CACNA1E: variants seen among roughly 807,000 people sequenced by gnomAD.
CACNA1E encodes calcium voltage-gated channel subunit alpha1 E.
A neutral mutation model predicts 259.2 loss-of-function variants in CACNA1E; 40 were observed. The observed-to-expected ratio is 0.15, with a 90% CI of 0.12 to 0.20. The LOEUF is 0.20. Among genes scored for constraint, CACNA1E ranks in the 10% least tolerant of loss-of-function variants. The probability of loss-of-function intolerance (pLI) is 1.00; values close to 1 mark genes in which losing one functional copy is unlikely to be tolerated. For missense variants in CACNA1E, 1,874 were observed against 3,040.1 expected, an observed-to-expected ratio of 0.62 and a Z score of 9.02; for synonymous variants, 1,104 against 1,138.5, an observed-to-expected ratio of 0.97 and a Z score of 0.61.
At chr1:181,794,780 T>C (rs1661641893) in intron 45 of CACNA1E, 84 bp from the exon 46 acceptor site, 6 of 1,295,868 alleles carry the variant, frequency 4.6e-6, no homozygotes, top group South Asian at 4.4e-5. Flanking sequence ...TTCCTTAACG[T>C]CTCAGTCTTG....
intron 3 of CACNA1E, among the ~76,000 whole-genome samples, chr1:181,539,212 C>A (rs1668399469): frequency 6.6e-6 from 1 of 152,200 alleles, no homozygotes; most frequent in Non-Finnish European, 1.5e-5. Flanking sequence ...ACTAGGCTCA[C>A]CCTAAACTTC....
chr1:181,752,233 G>A lies in CACNA1E; in HGVS notation c.3822G>A (p.Lys1274=), dbSNP rs1443244807. 2.5e-6 allele frequency: 4 copies of A among 1,610,552 alleles called. No homozygotes were observed. Among genetic ancestry groups the A allele is most frequent in the Admixed American group, 1.7e-5 (1 of 60,010 alleles). Residue 1274 remains lysine (K), a synonymous_variant, in exon 27 of 48, where the codon AAG becomes AAA. Coordinates refer to ENST00000367573, the MANE Select transcript of CACNA1E (RefSeq NM_001205293.3). ...TGAAAACCATCAAGCGCTTGCCCAA[G>A]CTCAAGGTAGTGTTTACAGAGTTTG... ...RPLKTIKRLP[K]LKAVFDCVVT...
At chr1:181,512,173 A>G (rs10910947) in intron 3 of CACNA1E, among the ~76,000 whole-genome samples, 2,189 of 152,344 alleles carry the variant, frequency 0.014, 72 homozygotes, top group East Asian at 0.14. Context: ...TCTTTTGGAA[A>G]TGAATATAGT....
At chr1:181,561,832 G>T (rs1649358957) in intron 3 of CACNA1E, among the ~76,000 whole-genome samples, 1 of 152,112 alleles carries the variant, frequency 6.6e-6, no homozygotes, top group Non-Finnish European at 1.5e-5. Flanking sequence ...GTATTATTTT[G>T]CATTCCCGTC....
intron 22 of CACNA1E, 128 bp downstream of exon 22, chr1:181,736,562 G>T (rs1656053265): frequency 2.3e-6 from 2 of 857,924 alleles, no homozygotes; most frequent in Non-Finnish European, 3.6e-6. Context: ...GGTGGAGCAT[G>T]GCCAGACATT....
intron 3 of CACNA1E, among the ~76,000 whole-genome samples, chr1:181,554,599 C>T (rs1238629597): frequency 6.6e-6 from 1 of 152,202 alleles, no homozygotes; most frequent in Non-Finnish European, 1.5e-5. Context: ...TACTAATGGT[C>T]CTCACATTTG....
intron 2 of CACNA1E, among the ~76,000 whole-genome samples, chr1:181,442,966 G>A (rs1231563456): frequency 1.3e-5 from 2 of 152,134 alleles, no homozygotes; most frequent in African/African-American, 4.8e-5. Flanking sequence ...CTGGCTTATT[G>A]TGCAGGAGGG....
intron 6 of CACNA1E, among the ~76,000 whole-genome samples, chr1:181,640,584 G>C (rs748238749): frequency 6.6e-6 from 1 of 152,102 alleles, no homozygotes; most frequent in Non-Finnish European, 1.5e-5. Context: ...AAATTAATTC[G>C]CCTTCTGCTC....
chr1:181,680,264 T>C (rs551184051), intron 7 of CACNA1E, among the ~76,000 whole-genome samples: 50 of 152,288 alleles, frequency 3.3e-4, no homozygotes, highest in African/African-American at 9.9e-4. Flanking sequence ...AGGTATTCCC[T>C]GGGCAGAGAA....
rs1488200234 is a variant in CACNA1E at position 181,753,785 on chromosome 1, T to C, written c.3829-1452T>C. ...TAGCACTGCTTCCCTTTCAGCCATT[T>C]AGCTCTGCAGAGAGGAGGCAAAACT... On this transcript the variant is annotated intron_variant, in intron 27 of 47. Coordinates refer to ENST00000367573, the MANE Select transcript of CACNA1E (RefSeq NM_001205293.3). 2.6e-5 allele frequency among the ~76,000 whole-genome samples: 4 copies of C among 152,358 alleles called. No individual in the cohort carries two copies. The South Asian group carries it at 6.2e-4, about 24-fold the overall frequency.
chr1:181,338,456 C>T (rs1470479869), intron 1 of CACNA1E, among the ~76,000 whole-genome samples: 3 of 150,160 alleles, frequency 2.0e-5, no homozygotes, highest in Non-Finnish European at 4.4e-5. Context: ...ACCTCTTGGC[C>T]ATCTATGTGT....
chr1:181,589,669 T>C (rs1045478992), intron 6 of CACNA1E, among the ~76,000 whole-genome samples: 5 of 152,052 alleles, frequency 3.3e-5, no homozygotes, highest in African/African-American at 1.2e-4. Flanking sequence ...CAGTGTGCTA[T>C]GATTGACCTA....
intron 26 of CACNA1E, among the ~76,000 whole-genome samples, chr1:181,751,146 CT>C (rs1657561377): frequency 6.6e-6 from 1 of 152,168 alleles, no homozygotes; most frequent in Non-Finnish European, 1.5e-5. Context: ...TATTTAGAGT[CT>C]TGTTTTCCAC....
rs779738809 is a variant in CACNA1E, at chr1:181,807,507, G to A, written c.*8673G>A. ...CCACAGGGAAAGCAGCAAGCCCCAG[G>A]CCCAGGCCTCCATTTGATTTGCCAC... On this transcript the variant is annotated 3_prime_UTR_variant, in exon 48 of 48. Coordinates refer to ENST00000367573, the MANE Select transcript of CACNA1E (RefSeq NM_001205293.3). The A allele has an allele frequency of 2.0e-5, 3 of 151,862 alleles. No individual in the cohort carries two copies. Among genetic ancestry groups the A allele is most frequent in the African/African-American group, 7.3e-5 (3 of 41,324 alleles). 9.4% of individuals were successfully genotyped at this position (151,862 alleles called of 1,614,324 possible). A position where few individuals can be genotyped will look rare whatever the true frequency, so the allele number is the denominator to read the frequency against.
chr1:181,766,505 G>T (rs1391657038), intron 34 of CACNA1E, 41 bp from the exon 35 acceptor site: 2 of 1,505,894 alleles, frequency 1.3e-6, no homozygotes, highest in African/African-American at 2.7e-5. Flanking sequence ...CTTGGGTGCT[G>T]CTTTTCTTTG....
intron 7 of CACNA1E, among the ~76,000 whole-genome samples, chr1:181,654,543 A>G (rs981946821): frequency 1.3e-5 from 2 of 152,160 alleles, no homozygotes; most frequent in African/African-American, 4.8e-5. Context: ...ATTTCATGGT[A>G]GTGGGGAGTT....
At chr1:181,503,288 G>T (rs1665425064) in intron 1 of CACNA1E, among the ~76,000 whole-genome samples, 1 of 152,190 alleles carries the variant, frequency 6.6e-6, no homozygotes, top group Non-Finnish European at 1.5e-5. Context: ...TTTCCATCAG[G>T]GTCTGTGGGA....
chr1:181,670,918 A>G (rs1261411078), intron 7 of CACNA1E, among the ~76,000 whole-genome samples: 1 of 152,260 alleles, frequency 6.6e-6, no homozygotes, highest in Non-Finnish European at 1.5e-5. Flanking sequence ...TACCTTAGTG[A>G]GCAAGAGCTG....
intron 3 of CACNA1E, among the ~76,000 whole-genome samples, chr1:181,548,158 T>G (rs530938428): frequency 3.3e-4 from 46 of 139,138 alleles, no homozygotes; most frequent in Non-Finnish European, 5.3e-4. Flanking sequence ...AGGGTCTCAT[T>G]CTGTCACCCA....
Sources: allele counts gnomAD v4.1 joint callset (sites outside exome capture counted in the v4.1 genomes callset), GRCh38; gene constraint gnomAD v4.1.1; transcripts MANE v1.5; gene names NCBI Gene and HGNC (gene_info 2026-07-23, HGNC 2026-07-21).